Variants in LRP1B observed in about 807,000 individuals in gnomAD.
The protein encoded by LRP1B is LDL receptor related protein 1B, also known as low-density lipoprotein receptor-related protein 1B.
In LRP1B, 217 loss-of-function variants were observed where a neutral mutation model predicts 556.6. The ratio of observed to expected loss-of-function variants is 0.39; its 90% confidence interval spans 0.35 to 0.44. LRP1B has a LOEUF of 0.44. LRP1B is among the 20% of genes least tolerant of loss of function. LRP1B has a pLI of 1.00. For synonymous variants in LRP1B, 2,047 were observed against 1,865.8 expected, an observed-to-expected ratio of 1.10 and a Z score of -2.50; for missense variants, 5,053 against 5,620.8, an observed-to-expected ratio of 0.90 and a Z score of 3.23.
chr2:141,414,005 C>T (rs1164048978), intron 3 of LRP1B, among the ~76,000 whole-genome samples: 14 of 151,896 alleles, frequency 9.2e-5, no homozygotes, highest in East Asian at 3.9e-4. Context: ...CTGAGGTGGG[C>T]GCATCACGAG....
chr2:140,303,802 T>TC (rs111420037), intron 83 of LRP1B, among the ~76,000 whole-genome samples: 1 of 151,068 alleles, frequency 6.6e-6, no homozygotes, highest in African/African-American at 2.4e-5. Context: ...ATCCTATCCC[T>TC]CCCCCCCTCC....
intron 3 of LRP1B, among the ~76,000 whole-genome samples, chr2:141,300,366 G>T (rs62166646): frequency 0.079 from 12,061 of 152,136 alleles, 500 homozygotes; most frequent in South Asian, 0.12. Context: ...TTAAGTTTTG[G>T]GTTGAGCATT....
At chr2:141,462,327 C>T (rs1446289720) in intron 3 of LRP1B, among the ~76,000 whole-genome samples, 1 of 152,140 alleles carries the variant, frequency 6.6e-6, no homozygotes, top group Non-Finnish European at 1.5e-5. Context: ...ATCTTTAACA[C>T]ATCAGTTCAA....
intron 2 of LRP1B, among the ~76,000 whole-genome samples, chr2:141,545,091 AT>A (rs1272197751): frequency 1.3e-5 from 2 of 152,234 alleles, no homozygotes; most frequent in Non-Finnish European, 2.9e-5. Context: ...GAGAGATCAA[AT>A]AACTTGTCCA....
At chr2:141,574,694 T>C (rs1686670745) in intron 2 of LRP1B, among the ~76,000 whole-genome samples, 1 of 152,112 alleles carries the variant, frequency 6.6e-6, no homozygotes, top group African/African-American at 2.4e-5. Flanking sequence ...CATTATTTTA[T>C]ATTAAGAAAA....
intron 1 of LRP1B, among the ~76,000 whole-genome samples, chr2:141,993,719 T>G (rs1054379849): frequency 3.9e-5 from 6 of 152,178 alleles, no homozygotes; most frequent in Non-Finnish European, 1.5e-5. Flanking sequence ...GTCCTATAGG[T>G]GAAGGTCTTC....
chr2:141,635,047 AACAC>A (rs3221098), intron 2 of LRP1B, among the ~76,000 whole-genome samples: 10 of 150,038 alleles, frequency 6.7e-5, no homozygotes, highest in Non-Finnish European at 1.0e-4. Context: ...ACTATAGTGA[AACAC>A]ACACACACAC....
At chr2:141,427,936 T>A (rs1239449212) in intron 3 of LRP1B, among the ~76,000 whole-genome samples, 1 of 152,144 alleles carries the variant, frequency 6.6e-6, no homozygotes, top group African/African-American at 2.4e-5. Context: ...ACTGAGCACT[T>A]TTTTATAAAT....
At chr2:140,946,182 A>G (rs1410041090) in intron 20 of LRP1B, among the ~76,000 whole-genome samples, 3 of 152,254 alleles carry the variant, frequency 2.0e-5, no homozygotes, top group African/African-American at 7.2e-5. Context: ...AATGGCTATT[A>G]TTAAAAAGTC....
At chr2:141,451,669 A>C (rs1002522760) in intron 3 of LRP1B, among the ~76,000 whole-genome samples, 3 of 152,202 alleles carry the variant, frequency 2.0e-5, no homozygotes, top group Non-Finnish European at 4.4e-5. Context: ...CTTTTTATAC[A>C]AAACATTTCT....
chr2:142,001,611 T>C (rs750944799), intron 1 of LRP1B, among the ~76,000 whole-genome samples: 7 of 152,202 alleles, frequency 4.6e-5, no homozygotes, highest in Non-Finnish European at 8.8e-5. Flanking sequence ...ATTCTTTCTC[T>C]TGAAATACAG....
At chr2:141,232,694 A>G (rs1189916251) in intron 5 of LRP1B, among the ~76,000 whole-genome samples, 1 of 152,180 alleles carries the variant, frequency 6.6e-6, no homozygotes. Context: ...CAGGTGCTTC[A>G]TAATCTAACA....
chr2:140,905,058 T>G (rs1694209496), intron 22 of LRP1B, among the ~76,000 whole-genome samples: 1 of 152,174 alleles, frequency 6.6e-6, no homozygotes, highest in African/African-American at 2.4e-5. Flanking sequence ...TCATTAATCC[T>G]GCAACTTCTT....
chr2:141,328,957 C>T (rs1036707526), intron 3 of LRP1B, among the ~76,000 whole-genome samples: 1 of 152,126 alleles, frequency 6.6e-6, no homozygotes, highest in Non-Finnish European at 1.5e-5. Flanking sequence ...AAATGACTAC[C>T]TTTTTGAGTT....
At chr2:141,390,983 C>G (rs1012806561) in intron 3 of LRP1B, among the ~76,000 whole-genome samples, 5 of 151,986 alleles carry the variant, frequency 3.3e-5, no homozygotes, top group Admixed American at 6.6e-5. Context: ...ATCCTTCACA[C>G]TTACTTCTCT....
chr2:141,544,352 C>CTTCTT (rs1685446151), intron 2 of LRP1B, among the ~76,000 whole-genome samples: 8 of 89,640 alleles, frequency 8.9e-5, no homozygotes, highest in African/African-American at 1.9e-4. Flanking sequence ...TCTTCTTCTT[C>CTTCTT]TTCTTCTTCT....
intron 2 of LRP1B, among the ~76,000 whole-genome samples, chr2:141,777,343 A>G (rs534108861): frequency 1.3e-5 from 2 of 152,362 alleles, no homozygotes; most frequent in African/African-American, 2.4e-5. Context: ...AGGAAATTAG[A>G]GTAGAACAAA....
chr2:140,719,988 G>T (rs1687345649), intron 35 of LRP1B, among the ~76,000 whole-genome samples: 1 of 151,964 alleles, frequency 6.6e-6, no homozygotes, highest in South Asian at 2.1e-4. Flanking sequence ...AGTAGGTAAA[G>T]AATGTTTTAA....
intron 2 of LRP1B, among the ~76,000 whole-genome samples, chr2:141,678,210 T>C (rs1402388955): frequency 6.6e-6 from 1 of 152,124 alleles, no homozygotes; most frequent in East Asian, 1.9e-4. Context: ...TCAATGTTTA[T>C]CTATGAAAAC....
Sources: gnomAD v4.1 joint callset for allele counts (sites outside exome capture counted in the v4.1 genomes callset) on GRCh38, gnomAD v4.1.1 for gene constraint, MANE v1.5 for transcripts, NCBI Gene and HGNC (gene_info 2026-07-23, HGNC 2026-07-21) for gene names.